Variants in HADH observed in about 807,000 individuals in gnomAD.
HADH encodes the protein hydroxyacyl-CoA dehydrogenase.
HADH carries 24 observed loss-of-function variants against 32.2 expected under a neutral mutation model. The observed-to-expected ratio is 0.75, with a 90% confidence interval of 0.54 to 1.05. The LOEUF is 1.05. HADH is among the 50% of genes least tolerant of loss of function. The pLI is 0.00. For missense variants in HADH, 350 were observed against 397.1 expected, an observed-to-expected ratio of 0.88 and a Z score of 1.01; for synonymous variants, 139 against 152.5, an observed-to-expected ratio of 0.91 and a Z score of 0.65.
chr4:108,005,170 G>A (rs1367694232), intron 1 of HADH: 1 of 289,602 alleles, frequency 3.5e-6, no homozygotes, highest in African/African-American at 2.2e-5. Context: ...AGGGTCTTTG[G>A]GGATCTAAAA....
intron 5 of HADH, chr4:108,024,884 T>C (rs894266908): frequency 6.6e-6 from 1 of 152,276 alleles, no homozygotes; most frequent in Non-Finnish European, 1.5e-5. Flanking sequence ...AGATGGGAAC[T>C]CTTTGTTCTC....
chr4:108,019,971 C>T (rs1392098930), intron 4 of HADH, among the ~76,000 whole-genome samples: 1 of 152,200 alleles, frequency 6.6e-6, no homozygotes, highest in African/African-American at 2.4e-5. Context: ...AAACCGTGGG[C>T]TGGATGGGAC....
At chr4:108,027,195 G>C (rs575367055) in intron 5 of HADH, 2 of 208,250 alleles carry the variant, frequency 9.6e-6, no homozygotes, top group Non-Finnish European at 2.0e-5. Flanking sequence ...GGAGTGTGAC[G>C]TTTTGTCGAT....
chr4:108,003,640 A>T (rs928551833), intron 1 of HADH, among the ~76,000 whole-genome samples: 66 of 152,280 alleles, frequency 4.3e-4, no homozygotes, highest in African/African-American at 1.5e-3. Flanking sequence ...TTTGTAAAAA[A>T]ATAGAAGGAC....
chr4:108,024,571 A>T (rs77605134), intron 5 of HADH: 2 of 152,160 alleles, frequency 1.3e-5, no homozygotes, highest in Admixed American at 1.3e-4. Flanking sequence ...GTCCATGGGT[A>T]AAGTGTTGTT....
intron 6 of HADH, chr4:108,032,797 A>G: frequency 9.1e-6 from 3 of 330,294 alleles, no homozygotes; most frequent in Non-Finnish European, 1.7e-5. Context: ...AGACTGGCCA[A>G]ATGGTGAAAC....
At chr4:107,993,243 G>T (rs879302548) in intron 1 of HADH, among the ~76,000 whole-genome samples, 7 of 152,210 alleles carry the variant, frequency 4.6e-5, no homozygotes, top group Non-Finnish European at 8.8e-5. Flanking sequence ...TTTAGATGGA[G>T]AATATTGGTC....
chr4:108,031,744 A>G (rs1185055501), intron 6 of HADH: 2 of 152,202 alleles, frequency 1.3e-5, no homozygotes, highest in Non-Finnish European at 2.9e-5. Flanking sequence ...TGGCTTACAC[A>G]TCTGAGTTCT....
chr4:108,024,046 T>C (rs886568845), intron 5 of HADH: 6 of 157,468 alleles, frequency 3.8e-5, no homozygotes, highest in Non-Finnish European at 8.5e-5. Flanking sequence ...AGTTGCATTA[T>C]GTTTTTATTG....
At chr4:107,990,564 C>A (rs1159514675) in intron 1 of HADH, among the ~76,000 whole-genome samples, 2 of 152,064 alleles carry the variant, frequency 1.3e-5, no homozygotes, top group Admixed American at 6.5e-5. Context: ...CCCGGCTCTC[C>A]CCGGTCTTTC....
chr4:108,009,893 T>G lies in HADH; in HGVS notation c.261+6T>G. 1 of 1,597,142 alleles carries G rather than the reference T, an allele frequency of 6.3e-7. No homozygotes were observed. The highest frequency in any genetic ancestry group is 8.6e-7 in the Non-Finnish European group (1 of 1,164,540). The stretch of plus-strand genomic sequence containing the variant: ...AGTTTGCAGAAAACCTTAAGGTAAT[T>G]TCTTATTATCGATGTCTTCAAGACA... On this transcript the variant is annotated splice_donor_region_variant and intron_variant, in intron 2 of 7. Transcript: ENST00000309522.
chr4:108,014,296 A>C, intron 2 of HADH, 135 bp from the exon 3 acceptor site: 1 of 891,838 alleles, frequency 1.1e-6, no homozygotes. Context: ...CTTCGTGGAC[A>C]CTTTGAGAAC....
At chr4:108,027,339 G>T in intron 5 of HADH, 1 of 389,678 alleles carries the variant, frequency 2.6e-6, no homozygotes, top group South Asian at 2.3e-5. Flanking sequence ...CACAGATGAT[G>T]AAACAGATTC....
At chr4:107,997,373 T>C (rs1310217516) in intron 1 of HADH, among the ~76,000 whole-genome samples, 2 of 152,164 alleles carry the variant, frequency 1.3e-5, no homozygotes, top group Non-Finnish European at 1.5e-5. Flanking sequence ...ACCAGACCAG[T>C]TGATGTAGGT....
At chr4:108,032,385 G>T (rs771684669) in intron 6 of HADH, 5 of 1,581,916 alleles carry the variant, frequency 3.2e-6, no homozygotes, top group Non-Finnish European at 4.3e-6. Context: ...AAGGTATCTT[G>T]ACTAAAAGGT....
intron 1 of HADH, among the ~76,000 whole-genome samples, chr4:107,992,202 A>G (rs1251508253): frequency 2.0e-5 from 3 of 152,254 alleles, no homozygotes; most frequent in Admixed American, 1.3e-4. Context: ...CTTAAGGGAA[A>G]AAAAAGCTAT....
intron 5 of HADH, chr4:108,024,555 C>T (rs1430961957): frequency 6.6e-6 from 1 of 152,186 alleles, no homozygotes; most frequent in Admixed American, 6.5e-5. Context: ...TGTCCTGCTC[C>T]TCCCCGTCCA....
chr4:108,001,083 T>G (rs1014793677), intron 1 of HADH, among the ~76,000 whole-genome samples: 2 of 152,196 alleles, frequency 1.3e-5, no homozygotes, highest in Non-Finnish European at 2.9e-5. Context: ...GAAAGTACAT[T>G]CATTTGGAAA....
intron 4 of HADH, among the ~76,000 whole-genome samples, chr4:108,019,934 G>A (rs1735827421): frequency 6.6e-6 from 1 of 152,220 alleles, no homozygotes; most frequent in Non-Finnish European, 1.5e-5. Context: ...AGTGCTGAGA[G>A]GCATCAGAAT....
Sources: allele counts gnomAD v4.1 joint callset (sites outside exome capture counted in the v4.1 genomes callset), GRCh38; gene constraint gnomAD v4.1.1; transcripts MANE v1.5; gene names NCBI Gene and HGNC (gene_info 2026-07-23, HGNC 2026-07-21).